The following LTBP1 variants were observed in gnomAD, a reference collection of about 807,000 sequenced individuals.
LTBP1 encodes latent transforming growth factor beta binding protein 1, also known as latent-transforming growth factor beta-binding protein 1.
A neutral mutation model predicts 207.6 loss-of-function variants in LTBP1; 129 were observed. That is an observed-to-expected ratio of 0.62 (90% CI 0.54 to 0.72). LTBP1 has a LOEUF of 0.72. Ranked by LOEUF, LTBP1 falls within the 30% of genes least tolerant of loss-of-function variation. The pLI is 0.00. For missense variants in LTBP1, 2,281 were observed against 2,217.2 expected (o/e 1.03, Z -0.58); for synonymous variants, 963 against 833.7 (o/e 1.16, Z -2.67).
rs150533048 is a variant in LTBP1 at position 33,339,346 on chromosome 2, T to C, written c.3731-3492T>C. Among the ~76,000 whole-genome samples the C allele has an allele frequency of 2.2e-3, 329 of 152,300 alleles. 1 individual carries two copies. Among genetic ancestry groups the C allele is most frequent in the African/African-American group, 4.5e-3 (187 of 41,558 alleles). On this transcript the variant is annotated intron_variant, in intron 24 of 33. Transcript: ENST00000404816. ...GAGAGAGACTGGGAAATCATCAGTA[T>C]GTAAATGGTAATTGAAGTATTTCCG...
intron 18 of LTBP1, among the ~76,000 whole-genome samples, chr2:33,277,404 C>A (rs148778166): frequency 6.6e-6 from 1 of 152,306 alleles, no homozygotes; most frequent in East Asian, 1.9e-4. Context: ...AGCGTGGGAG[C>A]AGCTCACCAC....
chr2:33,387,114 GT>G (rs1490086829), intron 31 of LTBP1, among the ~76,000 whole-genome samples: 4 of 152,092 alleles, frequency 2.6e-5, no homozygotes, highest in Admixed American at 1.3e-4. Context: ...CCGGCCGACA[GT>G]TTCTTTAAAA....
At chr2:33,054,996 C>G (rs776636654) in intron 3 of LTBP1, among the ~76,000 whole-genome samples, 5 of 152,184 alleles carry the variant, frequency 3.3e-5, no homozygotes, top group African/African-American at 4.8e-5. Flanking sequence ...ACACTGATAA[C>G]AAGCCCCACC....
intron 2 of LTBP1, among the ~76,000 whole-genome samples, chr2:33,003,560 A>C (rs1172173843): frequency 6.6e-6 from 1 of 152,196 alleles, no homozygotes; most frequent in Non-Finnish European, 1.5e-5. Flanking sequence ...CAGAACTTGA[A>C]GCGCTGTCCA....
intron 28 of LTBP1, 90 bp downstream of exon 28, chr2:33,361,605 G>A: frequency 1.1e-6 from 1 of 875,214 alleles, no homozygotes; most frequent in Non-Finnish European, 1.8e-6. Flanking sequence ...CAGAATTAGA[G>A]TTCTTTTTAG....
At chr2:33,378,505 T>A in intron 31 of LTBP1, among the ~76,000 whole-genome samples, 1 of 152,150 alleles carries the variant, frequency 6.6e-6, no homozygotes, top group South Asian at 2.1e-4. Flanking sequence ...GTGCTAGGAT[T>A]ACAGGCGTGA....
At chr2:33,031,993 T>G (rs1294073708) in intron 3 of LTBP1, among the ~76,000 whole-genome samples, 3 of 152,142 alleles carry the variant, frequency 2.0e-5, no homozygotes, top group Non-Finnish European at 4.4e-5. Context: ...GTGGAGTGTC[T>G]GTCTTGCACA....
intron 4 of LTBP1, among the ~76,000 whole-genome samples, chr2:33,128,557 G>A (rs2081581939): frequency 6.6e-6 from 1 of 152,196 alleles, no homozygotes; most frequent in African/African-American, 2.4e-5. Flanking sequence ...TTTGAGGGAG[G>A]TAGCTATTTT....
intron 13 of LTBP1, among the ~76,000 whole-genome samples, chr2:33,260,618 G>A (rs1176581998): frequency 6.6e-6 from 1 of 152,166 alleles, no homozygotes; most frequent in Non-Finnish European, 1.5e-5. Context: ...ATTTTGGAGT[G>A]ATAGCACTCG....
intron 15 of LTBP1, among the ~76,000 whole-genome samples, chr2:33,265,114 C>G (rs912723541): frequency 2.6e-5 from 4 of 152,182 alleles, no homozygotes; most frequent in African/African-American, 9.7e-5. Flanking sequence ...CCCACCCACG[C>G]TGCTGAGGGT....
chr2:33,038,722 C>G (rs1380323530), intron 3 of LTBP1, among the ~76,000 whole-genome samples: 1 of 152,224 alleles, frequency 6.6e-6, no homozygotes, highest in African/African-American at 2.4e-5. Flanking sequence ...CATAAAGTTT[C>G]CTGTGCTGCA....
intron 2 of LTBP1, 95 bp downstream of exon 2, chr2:32,949,040 CG>C: frequency 8.2e-7 from 1 of 1,215,408 alleles, no homozygotes. Flanking sequence ...TGAAAGGGCT[CG>C]GGGGAAGTTG....
At chr2:33,005,794 G>C (rs1332446976) in intron 2 of LTBP1, among the ~76,000 whole-genome samples, 1 of 151,888 alleles carries the variant, frequency 6.6e-6, no homozygotes, top group Non-Finnish European at 1.5e-5. Context: ...ACCATGTTGG[G>C]TAGGCTGCTC....
intron 26 of LTBP1, among the ~76,000 whole-genome samples, chr2:33,357,813 C>A (rs1285357641): frequency 6.6e-6 from 1 of 152,172 alleles, no homozygotes; most frequent in African/African-American, 2.4e-5. Context: ...TACAGCTAAT[C>A]TTACTCAAAA....
intron 3 of LTBP1, among the ~76,000 whole-genome samples, chr2:33,025,891 G>A (rs968055443): frequency 1.3e-5 from 2 of 152,082 alleles, no homozygotes; most frequent in African/African-American, 2.4e-5. Context: ...ATAAAAAGAT[G>A]AAGTTTCTTA....
intron 2 of LTBP1, among the ~76,000 whole-genome samples, chr2:32,967,816 A>G (rs753577217): frequency 1.3e-5 from 2 of 152,202 alleles, no homozygotes; most frequent in Non-Finnish European, 2.9e-5. Flanking sequence ...TAGTAAATAC[A>G]TGTCAGTTAT....
At chr2:33,349,953 C>T (rs896429018) in intron 26 of LTBP1, among the ~76,000 whole-genome samples, 1 of 152,194 alleles carries the variant, frequency 6.6e-6, no homozygotes, top group Non-Finnish European at 1.5e-5. Context: ...AGCATTCTCC[C>T]TTCCATGAGC....
Position 33,188,662 on chromosome 2 carries a change from T to A in LTBP1, c.1512T>A (p.Asp504Glu), listed in dbSNP as rs1394534448. Residue 504 changes from aspartate to glutamate, a missense_variant, in exon 7 of 34, where the codon GAT (aspartate) becomes GAA (glutamate). Physicochemically the swap from Asp to Glu is conservative, Grantham distance 45. Around this residue, in one of 3 missense-constraint regions of LTBP1, gnomAD observed 1,671 missense variants for 1,634.8 expected, o/e 1.02. Coordinates refer to ENST00000404816, the MANE Select transcript of LTBP1 (RefSeq NM_206943.4). ...AGATACATCAGGTTTCAAGAATTGA[T>A]GGCCCAACAGGCCAGAAGACAAAAG... ...SVQIHQVSRI[D>E]GPTGQKTKEA... 1 of 1,614,060 alleles carries A rather than the reference T, an allele frequency of 6.2e-7. No homozygotes were observed. Among genetic ancestry groups the A allele is most frequent in the Non-Finnish European group, 8.5e-7 (1 of 1,180,044 alleles).
At chr2:33,206,170 C>A (rs2089856617) in intron 7 of LTBP1, among the ~76,000 whole-genome samples, 1 of 152,160 alleles carries the variant, frequency 6.6e-6, no homozygotes, top group South Asian at 2.1e-4. Context: ...ACAAGACAGA[C>A]ATGGTTCCCT....
Sources: gnomAD v4.1 joint callset for allele counts (sites outside exome capture counted in the v4.1 genomes callset) on GRCh38, gnomAD v4.1.1 for gene constraint, gnomAD v4.1.1 regional missense constraint, MANE v1.5 for transcripts, NCBI Gene and HGNC (gene_info 2026-07-23, HGNC 2026-07-21) for gene names.